FRYL: variants seen among roughly 807,000 people sequenced by gnomAD.
FRYL encodes protein furry homolog-like.
FRYL carries 150 observed loss-of-function variants against 351.2 expected under a neutral mutation model. The ratio of observed to expected loss-of-function variants is 0.43; its 90% CI spans 0.37 to 0.49. The LOEUF (loss-of-function observed/expected upper bound fraction) is 0.49, where lower values mean the gene tolerates loss of function less well. Ranked by LOEUF, FRYL falls within the 20% of genes least tolerant of loss-of-function variation. The pLI is 0.00. For synonymous variants in FRYL, 1,153 were observed against 1,257.1 expected, an observed-to-expected ratio of 0.92 and a Z score of 1.75; for missense variants, 3,036 against 3,619.3, an observed-to-expected ratio of 0.84 and a Z score of 4.13.
chr4:48,623,221 A>C, intron 4 of FRYL, 42 bp from the exon 5 acceptor site: 2 of 1,105,684 alleles, frequency 1.8e-6, no homozygotes, highest in South Asian at 1.5e-5. Context: ...AAAATAAAGC[A>C]CAAATATAAA....
At chr4:48,501,247 G>A (rs561060229) in intron 62 of FRYL, among the ~76,000 whole-genome samples, 9 of 152,122 alleles carry the variant, frequency 5.9e-5, no homozygotes, top group East Asian at 1.9e-4. Flanking sequence ...CTGGAGTGCA[G>A]TGCTGCAATC....
At chr4:48,687,048 C>G (rs1465447358) in intron 2 of FRYL, among the ~76,000 whole-genome samples, 4 of 152,086 alleles carry the variant, frequency 2.6e-5, no homozygotes, top group Admixed American at 2.0e-4. Flanking sequence ...TTTCTGGGAC[C>G]TTTTTCGTCT....
intron 28 of FRYL, among the ~76,000 whole-genome samples, chr4:48,566,052 C>T (rs373755080): frequency 6.6e-6 from 1 of 152,148 alleles, no homozygotes; most frequent in East Asian, 1.9e-4. Flanking sequence ...CACAGACACA[C>T]CTCTGTATCT....
At chr4:48,692,396 A>C (rs1475427311) in intron 2 of FRYL, among the ~76,000 whole-genome samples, 1 of 150,882 alleles carries the variant, frequency 6.6e-6, no homozygotes. Flanking sequence ...GTTTCTTTCT[A>C]TCTTTTTTTT....
chr4:48,605,840 G>C lies in FRYL; in HGVS notation c.742-7C>G. ...AGAAATACTGAGCACATTCCTTAAAGGGAAAGAGGTATATACTTAGATTAA... is the reference window on the plus strand; with the variant it reads ...AGAAATACTGAGCACATTCCTTAAACGGAAAGAGGTATATACTTAGATTAA... On this transcript the variant is annotated splice_polypyrimidine_tract_variant and splice_region_variant and intron_variant, in intron 10 of 63. Coordinates refer to ENST00000358350, the MANE Select transcript of FRYL (RefSeq NM_015030.2). 2 of 1,490,414 alleles carry C rather than the reference G, an allele frequency of 1.3e-6. No individual in the cohort carries two copies. Among genetic ancestry groups the C allele is most frequent in the Non-Finnish European group, 9.3e-7 (1 of 1,073,294 alleles). 92.3% of individuals were successfully genotyped at this position (1,490,414 alleles called of 1,614,324 possible).
chr4:48,576,213 G>A lies in FRYL; in HGVS notation c.2538C>T (p.Ile846=). Residue 846 remains isoleucine (I), a synonymous_variant, in exon 24 of 64, where the codon ATC becomes ATT. Transcript: ENST00000358350. ...TGGTGGTATTTACTTTCTTAGCATT[G>A]ATGGGGCTACTAAGGAAAAAAAAAG... is the stretch of plus-strand genomic sequence containing the variant. ...LSPQVDINSP[I]NAKKVNTTTS... is the part of the protein sequence containing the mutation. The A allele has an allele frequency of 6.3e-7, 1 of 1,598,276 alleles. No individual in the cohort carries two copies. Among genetic ancestry groups the A allele is most frequent in the Non-Finnish European group, 8.5e-7 (1 of 1,173,460 alleles).
chr4:48,579,393 T>C, intron 22 of FRYL, 152 bp from the exon 23 acceptor site: 1 of 602,420 alleles, frequency 1.7e-6, no homozygotes, highest in East Asian at 3.0e-5. Context: ...AGAGAATTCC[T>C]GAAACTGCAT....
chr4:48,570,885 G>A lies in FRYL; in HGVS notation c.2938C>T (p.Arg980Ter). 3 of 1,613,728 alleles carry A rather than the reference G, an allele frequency of 1.9e-6. No individual in the cohort carries two copies. The highest frequency in any genetic ancestry group is 2.5e-6 in the Non-Finnish European group (3 of 1,179,698). ...TCAAATATTCGTACCAGTTGTACTC[G>A]TAAAATGTCTCGACGCCTGCGCCGT... is the stretch of plus-strand genomic sequence containing the variant. The part of the protein sequence containing the change: ...MKRRRRRDIL[R>*]VQLVRIFELL... Residue 980 changes from arginine to a stop codon, truncating the protein, a stop_gained, in exon 27 of 64, where the codon CGA becomes TGA. Coordinates refer to ENST00000358350, the MANE Select transcript of FRYL (RefSeq NM_015030.2). LOFTEE classifies it high-confidence loss of function.
At chr4:48,735,985 A>G (rs1317769231) in intron 1 of FRYL, among the ~76,000 whole-genome samples, 2 of 149,004 alleles carry the variant, frequency 1.3e-5, no homozygotes, top group Non-Finnish European at 3.0e-5. Context: ...AAAAAAAAAA[A>G]AAAAAAAAAA....
At chr4:48,671,705 T>G (rs1008596807) in intron 3 of FRYL, among the ~76,000 whole-genome samples, 1 of 149,664 alleles carries the variant, frequency 6.7e-6, no homozygotes, top group Non-Finnish European at 1.5e-5. Flanking sequence ...ATACAAAAAT[T>G]AGCCGGGCCT....
intron 1 of FRYL, among the ~76,000 whole-genome samples, chr4:48,712,171 C>G (rs1768136998): frequency 6.6e-6 from 1 of 152,190 alleles, no homozygotes; most frequent in South Asian, 2.1e-4. Flanking sequence ...CTCTCCTCCT[C>G]CAACGGAACG....
chr4:48,591,903 C>T (rs1743326978), intron 16 of FRYL, among the ~76,000 whole-genome samples: 1 of 151,634 alleles, frequency 6.6e-6, no homozygotes, highest in Admixed American at 6.6e-5. Flanking sequence ...ACCTTGCCCC[C>T]AGATTTGATT....
At chr4:48,695,085 CA>C (rs1221934092) in intron 2 of FRYL, among the ~76,000 whole-genome samples, 1 of 152,182 alleles carries the variant, frequency 6.6e-6, no homozygotes, top group Admixed American at 6.5e-5. Flanking sequence ...AACAAACAAA[CA>C]AAAAATTGGC....
chr4:48,528,476 G>A (rs1230406879), intron 50 of FRYL, 140 bp from the exon 51 acceptor site: 5 of 486,746 alleles, frequency 1.0e-5, no homozygotes, highest in Non-Finnish European at 1.0e-5. Context: ...TGAGGCAGAT[G>A]TTAACAAAGA....
Position 48,609,817 on chromosome 4 carries a change from C to G in FRYL, c.418G>C (p.Val140Leu). 1 of 1,577,376 alleles carries G rather than the reference C, an allele frequency of 6.3e-7. No homozygotes were observed. The highest frequency in any genetic ancestry group is 8.6e-7 in the Non-Finnish European group (1 of 1,157,084). Residue 140 changes from valine (V) to leucine (L), a missense_variant, in exon 8 of 64, where the codon GTT (valine) becomes CTT (leucine). By Grantham distance (32) the Val-to-Leu change is conservative. Transcript: ENST00000358350. ...VLVEVLKQIP[V>L]HPVPDPLVHE... ...ACTAAGGGATCGGGTACAGGATGAA[C>G]AGGAATCTAGAATTTAAAAAAATTA...
At chr4:48,703,701 C>T (rs1299053488) in intron 2 of FRYL, among the ~76,000 whole-genome samples, 6 of 152,178 alleles carry the variant, frequency 3.9e-5, no homozygotes, top group African/African-American at 1.4e-4. Context: ...TGTGTCCCCA[C>T]TTTTACATTC....
Position 48,564,944 on chromosome 4 carries a change from G to A in FRYL, c.3430C>T (p.Leu1144=). 1 of 1,574,974 alleles carries A rather than the reference G, an allele frequency of 6.3e-7. No individual in the cohort carries two copies. The highest frequency in any genetic ancestry group is 2.3e-5 in the East Asian group (1 of 44,350). ...YKWLDNILDS[L]DKKVHQLGCE... is the part of the protein sequence containing the mutation. ...ATTGTCATAATTACCTTTTTGTCCA[G>A]AGAATCCAAAATGTTATCCAACCAT... Residue 1144 remains leucine, a synonymous_variant, in exon 30 of 64, where the codon CTG becomes TTG. Transcript: ENST00000358350.
rs745511924 is a variant in FRYL at position 48,602,132 on chromosome 4, C to T, written c.934-11G>A. 9 of 1,338,410 alleles carry T rather than the reference C, an allele frequency of 6.7e-6. No homozygotes were observed. Among genetic ancestry groups the T allele is most frequent in the East Asian group, 2.3e-5 (1 of 43,210 alleles). The allele number at this position is 1,338,410 out of a possible 1,614,324, so 82.9% of individuals were successfully genotyped here. A position where few individuals can be genotyped will look rare whatever the true frequency, so the allele number is the denominator to read the frequency against. On this transcript the variant is annotated splice_polypyrimidine_tract_variant and intron_variant, in intron 12 of 63. Coordinates refer to ENST00000358350, the MANE Select transcript of FRYL (RefSeq NM_015030.2). ...TAGTGGATATAAAGCCTATAGGAGA[C>T]GGGGAAAAGACAGAATTAACATTTT...
At chr4:48,516,630 C>A (rs1481183595) in intron 55 of FRYL, among the ~76,000 whole-genome samples, 2 of 152,096 alleles carry the variant, frequency 1.3e-5, no homozygotes, top group Non-Finnish European at 2.9e-5. Flanking sequence ...CCTAGACTAG[C>A]CCAGGCCTTA....
Sources: allele counts gnomAD v4.1 joint callset (sites outside exome capture counted in the v4.1 genomes callset), GRCh38; gene constraint gnomAD v4.1.1; transcripts MANE v1.5; gene names NCBI Gene and HGNC (gene_info 2026-07-23, HGNC 2026-07-21).